SNTG1: variants seen among roughly 807,000 people sequenced by gnomAD.
SNTG1 encodes the protein gamma-1-syntrophin.
A neutral mutation model predicts 74.7 loss-of-function variants in SNTG1; 39 were observed. That is an observed-to-expected ratio of 0.52 (90% confidence interval 0.40 to 0.68). SNTG1 has a LOEUF of 0.68. Among genes scored for constraint, SNTG1 ranks in the 30% least tolerant of loss-of-function variants. The pLI is 0.00. For synonymous variants in SNTG1, 254 were observed against 217.1 expected (o/e 1.17, Z -1.49); for missense variants, 685 against 609.5 (o/e 1.12, Z -1.30).
intron 2 of SNTG1, among the ~76,000 whole-genome samples, chr8:50,265,019 T>G (rs1282852915): frequency 2.0e-5 from 3 of 152,230 alleles, no homozygotes; most frequent in African/African-American, 7.2e-5. Flanking sequence ...AAAGCTCAGG[T>G]CAAATAATGT....
intron 1 of SNTG1, among the ~76,000 whole-genome samples, chr8:50,134,456 G>A (rs2081407647): frequency 6.6e-6 from 1 of 152,164 alleles, no homozygotes; most frequent in Non-Finnish European, 1.5e-5. Flanking sequence ...GAGCTGTTAG[G>A]CAAGGGAAGC....
chr8:50,108,346 G>A (rs1399934618), intron 1 of SNTG1, among the ~76,000 whole-genome samples: 1 of 152,174 alleles, frequency 6.6e-6, no homozygotes, highest in Non-Finnish European at 1.5e-5. Flanking sequence ...GACAGTTTAT[G>A]TTCTGGTATT....
intron 15 of SNTG1, among the ~76,000 whole-genome samples, chr8:50,662,035 T>C (rs531008083): frequency 6.6e-6 from 1 of 152,274 alleles, no homozygotes; most frequent in African/African-American, 2.4e-5. Context: ...TCTGGCCTTC[T>C]CCTGTGTCAG....
intron 1 of SNTG1, among the ~76,000 whole-genome samples, chr8:49,993,293 A>G (rs1813860558): frequency 6.6e-6 from 1 of 150,900 alleles, no homozygotes; most frequent in Admixed American, 6.6e-5. Context: ...TTTGACACTC[A>G]CTCTATTTAT....
At chr8:50,315,055 A>T (rs1457399895) in intron 2 of SNTG1, among the ~76,000 whole-genome samples, 4 of 149,960 alleles carry the variant, frequency 2.7e-5, no homozygotes, top group African/African-American at 9.9e-5. Flanking sequence ...TAATTACTAA[A>T]TATTGCGAAT....
At chr8:50,135,617 C>T (rs2081447643) in intron 1 of SNTG1, among the ~76,000 whole-genome samples, 1 of 151,730 alleles carries the variant, frequency 6.6e-6, no homozygotes, top group South Asian at 2.1e-4. Flanking sequence ...TTTTGGGGGA[C>T]TTTCGTTTTT....
chr8:50,232,546 T>A (rs2132073111), intron 2 of SNTG1, among the ~76,000 whole-genome samples: 1 of 151,602 alleles, frequency 6.6e-6, no homozygotes, highest in Middle Eastern at 3.4e-3. Flanking sequence ...AGATGTTTAC[T>A]CTTTTCAATT....
intron 1 of SNTG1, among the ~76,000 whole-genome samples, chr8:49,950,060 G>A (rs1377968583): frequency 4.6e-5 from 7 of 152,202 alleles, no homozygotes; most frequent in African/African-American, 1.7e-4. Flanking sequence ...CTGTGAGGCA[G>A]AGGTTTCAGT....
chr8:50,521,756 A>C (rs999237893), intron 9 of SNTG1, among the ~76,000 whole-genome samples: 1 of 152,166 alleles, frequency 6.6e-6, no homozygotes. Context: ...TCATTTCAAC[A>C]ATGTTCATAG....
At position 50,427,876 on chromosome 8, in the gene SNTG1, C is replaced by T. The variant is rs114332996; in HGVS notation, c.163-10667C>T. Among the ~76,000 whole-genome samples the T allele has an allele frequency of 2.5e-3, 382 of 152,336 alleles. 4 individuals are homozygous for T. The highest frequency in any genetic ancestry group is 8.2e-3 in the African/African-American group (342 of 41,582). On this transcript the variant is annotated intron_variant, in intron 4 of 18. Coordinates refer to ENST00000642720, the MANE Select transcript of SNTG1 (RefSeq NM_018967.5). The stretch of plus-strand genomic sequence containing the variant: ...TGAATTAGTGAATCTTTGTCTCACA[C>T]AGCCTTTTAAATATATATTTGTCTA...
At chr8:50,259,509 AAAGAAAGAAAG>A (rs796842452) in intron 2 of SNTG1, among the ~76,000 whole-genome samples, 552 of 10,982 alleles carry the variant, frequency 0.05, 76 homozygotes, top group African/African-American at 0.06. Context: ...AAAAAAAAAA[AAAGAAAGAAAG>A]AAAGAAAGAA....
At chr8:50,790,142 A>G (rs1314211863) in intron 18 of SNTG1, among the ~76,000 whole-genome samples, 1 of 151,724 alleles carries the variant, frequency 6.6e-6, no homozygotes, top group East Asian at 1.9e-4. Context: ...TTATTTCTTG[A>G]TGGTAACTGT....
intron 2 of SNTG1, among the ~76,000 whole-genome samples, chr8:50,366,449 C>G (rs1194405158): frequency 6.6e-6 from 1 of 151,950 alleles, no homozygotes; most frequent in Non-Finnish European, 1.5e-5. Context: ...CCATCTTAAT[C>G]AGAAATTCAT....
At chr8:50,005,604 A>T (rs545198787) in intron 1 of SNTG1, among the ~76,000 whole-genome samples, 1 of 152,230 alleles carries the variant, frequency 6.6e-6, no homozygotes, top group Non-Finnish European at 1.5e-5. Flanking sequence ...ATACAAATAC[A>T]TAATTACATT....
chr8:50,322,060 A>G (rs2090553239), intron 2 of SNTG1, among the ~76,000 whole-genome samples: 1 of 151,674 alleles, frequency 6.6e-6, no homozygotes, highest in Non-Finnish European at 1.5e-5. Context: ...ATGATTTTTT[A>G]TTGCTTATTA....
intron 1 of SNTG1, among the ~76,000 whole-genome samples, chr8:50,005,332 C>A (rs982520676): frequency 4.0e-5 from 6 of 151,618 alleles, no homozygotes; most frequent in Non-Finnish European, 8.8e-5. Context: ...TATAAATTAT[C>A]TTTACAGAAA....
At chr8:50,234,269 A>T (rs2085780295) in intron 2 of SNTG1, among the ~76,000 whole-genome samples, 1 of 151,996 alleles carries the variant, frequency 6.6e-6, no homozygotes. Context: ...TGATATGAAG[A>T]ACATTACACT....
At chr8:49,926,279 GT>G (rs1157173059) in intron 1 of SNTG1, among the ~76,000 whole-genome samples, 1 of 150,622 alleles carries the variant, frequency 6.6e-6, no homozygotes, top group Non-Finnish European at 1.5e-5. Flanking sequence ...AAATAAATAG[GT>G]TTGTGAAAGG....
rs544818604 is a variant in SNTG1 at position 50,519,616 on chromosome 8, C to CA, written c.467-10557dup. Among the ~76,000 whole-genome samples, 201 of 152,244 alleles carry CA rather than the reference C, an allele frequency of 1.3e-3. 1 individual carries two copies. In the Middle Eastern group the frequency reaches 0.027, roughly 21 times the overall value. On this transcript the variant is annotated intron_variant, in intron 9 of 18. Coordinates refer to ENST00000642720, the MANE Select transcript of SNTG1 (RefSeq NM_018967.5). ...GCTACTTCGGCAGAGTTTCAGGATA[C>CA]AAAATCAATGGGCAAAAATCACAAT...
Sources: allele counts gnomAD v4.1 joint callset (sites outside exome capture counted in the v4.1 genomes callset), GRCh38; gene constraint gnomAD v4.1.1; transcripts MANE v1.5; gene names NCBI Gene and HGNC (gene_info 2026-07-23, HGNC 2026-07-21).